Variants in CNTN4 observed in about 807,000 individuals in gnomAD.
CNTN4 encodes contactin-4.
In CNTN4, 77 loss-of-function variants were observed where a neutral mutation model predicts 122.5. That is an observed-to-expected ratio of 0.63 (90% CI 0.52 to 0.76). The LOEUF is 0.76. Ranked by LOEUF, CNTN4 falls within the 30% of genes least tolerant of loss-of-function variation. CNTN4 has a pLI of 0.00. For synonymous variants in CNTN4, 512 were observed against 447.0 expected (o/e 1.15, Z -1.83); for missense variants, 1,256 against 1,259.1 (o/e 1.00, Z 0.04).
At chr3:2,117,676 T>A (rs1408633859) in intron 2 of CNTN4, among the ~76,000 whole-genome samples, 2 of 152,148 alleles carry the variant, frequency 1.3e-5, no homozygotes, top group African/African-American at 4.8e-5. Flanking sequence ...TCCCAAGGAT[T>A]TTAGGAGTTT....
At chr3:2,796,040 T>A (rs2092166959) in intron 6 of CNTN4, among the ~76,000 whole-genome samples, 1 of 152,186 alleles carries the variant, frequency 6.6e-6, no homozygotes, top group Non-Finnish European at 1.5e-5. Flanking sequence ...GGATTTTTTA[T>A]TCTCACAGAG....
intron 4 of CNTN4, among the ~76,000 whole-genome samples, chr3:2,597,021 C>T (rs1483070098): frequency 3.9e-5 from 6 of 151,938 alleles, no homozygotes; most frequent in Non-Finnish European, 7.4e-5. Context: ...CTCAGAAACC[C>T]GTTATTTGGA....
intron 3 of CNTN4, among the ~76,000 whole-genome samples, chr3:2,539,804 G>A (rs932856532): frequency 6.6e-6 from 1 of 151,964 alleles, no homozygotes; most frequent in East Asian, 1.9e-4. Context: ...AGATAAAATG[G>A]CATTTTTTTC....
At chr3:2,141,030 A>G (rs2034968576) in intron 2 of CNTN4, among the ~76,000 whole-genome samples, 1 of 152,194 alleles carries the variant, frequency 6.6e-6, no homozygotes, top group African/African-American at 2.4e-5. Context: ...CAAATGAGAT[A>G]TTACTTACTC....
intron 4 of CNTN4, among the ~76,000 whole-genome samples, chr3:2,595,365 A>G (rs981156479): frequency 6.6e-6 from 1 of 152,224 alleles, no homozygotes; most frequent in Non-Finnish European, 1.5e-5. Context: ...ACAATGTCAC[A>G]TATCATGCAT....
intron 12 of CNTN4, among the ~76,000 whole-genome samples, chr3:2,907,150 G>T (rs897167959): frequency 2.0e-5 from 3 of 152,146 alleles, no homozygotes; most frequent in Non-Finnish European, 4.4e-5. Context: ...AAGTCACTTT[G>T]TTCCTTATAT....
At chr3:2,782,443 AAC>A (rs1449552346) in intron 6 of CNTN4, among the ~76,000 whole-genome samples, 57 of 150,298 alleles carry the variant, frequency 3.8e-4, no homozygotes, top group Admixed American at 1.0e-3. Flanking sequence ...ACATACCCAT[AAC>A]TGATTCCTAC....
chr3:2,173,508 A>T lies in CNTN4; in HGVS notation c.-145+72869A>T, dbSNP rs541022156. Among the ~76,000 whole-genome samples, 37 of 152,302 alleles carry T rather than the reference A, an allele frequency of 2.4e-4. 1 individual carries two copies. In the South Asian group the frequency reaches 7.0e-3, roughly 29 times the overall value. On this transcript the variant is annotated intron_variant, in intron 2 of 24. Coordinates refer to ENST00000418658, the MANE Select transcript of CNTN4 (RefSeq NM_175607.3). Reference sequence around the variant, plus strand: ...AAGTATTTATTTTAATGGTTTATTTATCTTGGGCAGAGCTTTTTGTGGGGA... The same window carrying T: ...AAGTATTTATTTTAATGGTTTATTTTTCTTGGGCAGAGCTTTTTGTGGGGA...
At chr3:2,121,356 G>T (rs2727907) in intron 2 of CNTN4, among the ~76,000 whole-genome samples, 1 of 151,934 alleles carries the variant, frequency 6.6e-6, no homozygotes, top group African/African-American at 2.4e-5. Flanking sequence ...AAATTAGCCC[G>T]ATGTGGTGGC....
chr3:2,804,065 G>GCACACA (rs71058651), intron 6 of CNTN4, among the ~76,000 whole-genome samples: 1,669 of 144,414 alleles, frequency 0.012, 24 homozygotes, highest in African/African-American at 0.038. Context: ...ATATATGTCT[G>GCACACA]CACACACACA....
At chr3:2,232,322 A>AGAT (rs2039517355) in intron 2 of CNTN4, among the ~76,000 whole-genome samples, 1 of 152,180 alleles carries the variant, frequency 6.6e-6, no homozygotes, top group African/African-American at 2.4e-5. Context: ...AGTTGAACTT[A>AGAT]ACAGTCAAGT....
intron 13 of CNTN4, among the ~76,000 whole-genome samples, chr3:2,940,739 A>AGAG (rs2094607873): frequency 6.6e-6 from 1 of 151,460 alleles, no homozygotes; most frequent in South Asian, 2.1e-4. Context: ...GTTAAGGGTA[A>AGAG]AAGGAGTTGA....
In CNTN4 at chr3:2,353,402, C is replaced by T. The variant is rs183261807; in HGVS notation, c.-89+14169C>T. On this transcript the variant is annotated intron_variant, in intron 3 of 24. Transcript: ENST00000418658. The stretch of plus-strand genomic sequence containing the variant: ...GCTGCCCGATCCCTGCAGTGGCAAC[C>T]GGGTCTGGTCCCCTTCCACATTGTG... Among the ~76,000 whole-genome samples, 18 of 152,218 alleles carry T rather than the reference C, an allele frequency of 1.2e-4. No homozygotes were observed. The East Asian group carries it at 1.4e-3, about 11-fold the overall frequency.
chr3:2,877,325 C>A (rs1416382769), intron 8 of CNTN4, among the ~76,000 whole-genome samples: 1 of 152,074 alleles, frequency 6.6e-6, no homozygotes, highest in Non-Finnish European at 1.5e-5. Flanking sequence ...ACAACTAAGC[C>A]CCTGTCTTCT....
intron 2 of CNTN4, among the ~76,000 whole-genome samples, chr3:2,302,105 G>T (rs1242155051): frequency 6.6e-6 from 1 of 152,114 alleles, no homozygotes; most frequent in African/African-American, 2.4e-5. Context: ...TAGGCAGGGT[G>T]AAGGAAGGCA....
chr3:2,950,870 C>G (rs1409338633), intron 13 of CNTN4, among the ~76,000 whole-genome samples: 1 of 152,136 alleles, frequency 6.6e-6, no homozygotes, highest in Non-Finnish European at 1.5e-5. Flanking sequence ...TATACTAGAC[C>G]TTACATTTCA....
intron 13 of CNTN4, among the ~76,000 whole-genome samples, chr3:2,973,865 T>G (rs1693168078): frequency 6.6e-6 from 1 of 152,170 alleles, no homozygotes; most frequent in African/African-American, 2.4e-5. Flanking sequence ...CCAACACAGT[T>G]TATACTTATT....
At chr3:2,738,548 C>G (rs921445147) in intron 5 of CNTN4, among the ~76,000 whole-genome samples, 2 of 151,908 alleles carry the variant, frequency 1.3e-5, no homozygotes, top group Non-Finnish European at 2.9e-5. Context: ...ATAAGTAAAG[C>G]AAATGGTAAA....
At chr3:2,955,428 C>T (rs2094789479) in intron 13 of CNTN4, among the ~76,000 whole-genome samples, 1 of 152,168 alleles carries the variant, frequency 6.6e-6, no homozygotes, top group Non-Finnish European at 1.5e-5. Context: ...CATGTTGACT[C>T]TGTTCTCAGA....
Sources: gnomAD v4.1 joint callset for allele counts (sites outside exome capture counted in the v4.1 genomes callset) on GRCh38, gnomAD v4.1.1 for gene constraint, MANE v1.5 for transcripts, NCBI Gene and HGNC (gene_info 2026-07-23, HGNC 2026-07-21) for gene names.